Variants in CHIC1 observed in about 807,000 individuals in gnomAD.
CHIC1 encodes cysteine rich hydrophobic domain 1, also known as cysteine-rich hydrophobic domain-containing protein 1.
In CHIC1, 7 loss-of-function variants were observed where a neutral mutation model predicts 18.5. The ratio of observed to expected loss-of-function variants is 0.38; its 90% confidence interval spans 0.22 to 0.71. The LOEUF is 0.71. Among genes scored for constraint, CHIC1 ranks in the 30% least tolerant of loss-of-function variants. The pLI, the probability that CHIC1 is intolerant of heterozygous loss-of-function variation, is 0.49. For synonymous variants in CHIC1, 77 were observed against 73.5 expected (o/e 1.05, Z -0.25); for missense variants, 159 against 176.9 (o/e 0.90, Z 0.57).
chrX:73,573,006 G>C (rs982529426), intron 1 of CHIC1, among the ~76,000 whole-genome samples: 17 of 111,338 alleles, frequency 1.5e-4, no homozygotes, highest in Admixed American at 4.8e-4. Context: ...ACTTAGTCAT[G>C]AATCCTTTGC....
intron 3 of CHIC1, among the ~76,000 whole-genome samples, chrX:73,633,309 T>C (rs950806274): frequency 9.2e-6 from 1 of 108,225 alleles, no homozygotes; most frequent in African/African-American, 3.4e-5. Flanking sequence ...TACAGTATTA[T>C]TGATTGGCAG....
chrX:73,608,066 C>T lies in CHIC1; in HGVS notation c.507+23494C>T, dbSNP rs748024386. 1.0e-4 allele frequency among the ~76,000 whole-genome samples: 11 copies of T among 109,401 alleles called. 1 individual carries two copies. Among genetic ancestry groups the T allele is most frequent in the African/African-American group, 3.9e-4 (11 of 28,268 alleles). On this transcript the variant is annotated intron_variant, in intron 3 of 5. Coordinates refer to ENST00000373502, the MANE Select transcript of CHIC1 (RefSeq NM_001039840.4). ...CTCTTACATTTAGTGCTTTGATACA[C>T]TTGAGTTAATTTTTATCTATGTGAG...
rs1215947091 is a variant in CHIC1, at chrX:73,683,331, A to G, written c.*2326A>G. The G allele has an allele frequency of 9.0e-6, 1 of 111,678 alleles. No individual in the cohort carries two copies. Among genetic ancestry groups the G allele is most frequent in the Non-Finnish European group, 1.9e-5 (1 of 52,935 alleles). 9.2% of individuals were successfully genotyped at this position (111,678 alleles called of 1,213,427 possible). A position where few individuals can be genotyped will look rare whatever the true frequency, so the allele number is the denominator to read the frequency against. ...AGTTTCTTCAACTACCCAAAAAAAT[A>G]CCAATTTTTTTCCTCTCTTGTATGA... On this transcript the variant is annotated 3_prime_UTR_variant, in exon 6 of 6. Transcript: ENST00000373502.
chrX:73,677,558 C>T (rs2058073419), intron 3 of CHIC1, among the ~76,000 whole-genome samples: 2 of 112,293 alleles, frequency 1.8e-5, no homozygotes, highest in South Asian at 3.7e-4. Flanking sequence ...ATATAATCTC[C>T]TGGTGTGCTG....
rs757278539 is a variant in CHIC1, at chrX:73,661,002, CT to C, written c.508-18318del. Among the ~76,000 whole-genome samples, 3 of 111,508 alleles carry C rather than the reference CT, an allele frequency of 2.7e-5. No individual in the cohort carries two copies. The Admixed American group carries it at 2.9e-4, about 11-fold the overall frequency. On this transcript the variant is annotated intron_variant, in intron 3 of 5. Transcript: ENST00000373502. ...TGCAGGGTCCTTACTCATAGTCCTC[CT>C]TTTTTGTTTTTTGAGCATATTTTTA... is the stretch of plus-strand genomic sequence containing the variant.
chrX:73,598,779 C>G (rs2057625587), intron 3 of CHIC1, among the ~76,000 whole-genome samples: 2 of 110,582 alleles, frequency 1.8e-5, no homozygotes, highest in South Asian at 3.9e-4. Flanking sequence ...GTGAATAATG[C>G]CGCAATAAAC....
chrX:73,679,105 C>CTGAT (rs749207456), intron 3 of CHIC1, among the ~76,000 whole-genome samples: 52 of 111,941 alleles, frequency 4.6e-4, no homozygotes, highest in African/African-American at 1.6e-3. Flanking sequence ...ATATAAAAAT[C>CTGAT]TGATTGATTG....
At chrX:73,598,350 C>T (rs1255464076) in intron 3 of CHIC1, among the ~76,000 whole-genome samples, 2 of 105,986 alleles carry the variant, frequency 1.9e-5, no homozygotes, top group East Asian at 3.1e-4. Context: ...TATTATTATA[C>T]TTTAAGTTTT....
In CHIC1 at chrX:73,581,039, C is replaced by T. The variant is rs779002107; in HGVS notation, c.352-3378C>T. On this transcript the variant is annotated intron_variant, in intron 2 of 5. Transcript: ENST00000373502. ...TAGTGACCAGAAAAGGGAAGAACCA[C>T]AGAAATTTAGAAAAGAAAGTAAAGC... 2.8e-4 allele frequency among the ~76,000 whole-genome samples: 31 copies of T among 111,104 alleles called. 1 individual carries two copies. The highest frequency in any genetic ancestry group is 9.5e-5 in the Non-Finnish European group (5 of 52,599).
chrX:73,680,422 A>G (rs1324985104), intron 5 of CHIC1, among the ~76,000 whole-genome samples: 4 of 111,446 alleles, frequency 3.6e-5, no homozygotes, highest in Non-Finnish European at 7.6e-5. Flanking sequence ...ATTCAAAAAT[A>G]TCCGAGTTTT....
At chrX:73,645,029 A>G (rs952254670) in intron 3 of CHIC1, among the ~76,000 whole-genome samples, 19 of 112,131 alleles carry the variant, frequency 1.7e-4, no homozygotes, top group African/African-American at 5.8e-4. Flanking sequence ...GGTACCTCAG[A>G]TGGAAATGCA....
At chrX:73,576,063 A>T (rs1483360371) in intron 1 of CHIC1, among the ~76,000 whole-genome samples, 2 of 109,109 alleles carry the variant, frequency 1.8e-5, no homozygotes, top group African/African-American at 6.6e-5. Context: ...CATCAATATC[A>T]CTTCCACCTT....
In CHIC1 at chrX:73,605,383, T is replaced by G. The variant is rs60480217; in HGVS notation, c.507+20811T>G. Among the ~76,000 whole-genome samples, 758 of 108,221 alleles carry G rather than the reference T, an allele frequency of 7.0e-3. 79 individuals carry two copies. The highest frequency in any genetic ancestry group is 0.026 in the African/African-American group (713 of 27,787). The allele number at this position is 108,221 out of a possible 115,157, so 94.0% of individuals were successfully genotyped here. On this transcript the variant is annotated intron_variant, in intron 3 of 5. Transcript: ENST00000373502. ...TTTCTGCATCCCTTTATTTTGAGAC[T>G]ATGTGTGTACTTGAGATGGGTCTTC...
chrX:73,665,561 T>G (rs778057331), intron 3 of CHIC1, among the ~76,000 whole-genome samples: 1 of 111,454 alleles, frequency 9.0e-6, no homozygotes, highest in East Asian at 2.8e-4. Context: ...TGATAACTGT[T>G]GTCCCATGAT....
chrX:73,610,775 C>A (rs1285527971), intron 3 of CHIC1, among the ~76,000 whole-genome samples: 1 of 107,913 alleles, frequency 9.3e-6, no homozygotes, highest in Non-Finnish European at 1.9e-5. Flanking sequence ...TTGGTCTGTT[C>A]AGGTTTTCTG....
chrX:73,664,776 C>G (rs1189162633), intron 3 of CHIC1, among the ~76,000 whole-genome samples: 2 of 111,200 alleles, frequency 1.8e-5, no homozygotes, highest in Non-Finnish European at 3.8e-5. Context: ...GACCCCCTCC[C>G]CTAGAGCATA....
chrX:73,580,906 C>T (rs1422198906), intron 2 of CHIC1, among the ~76,000 whole-genome samples: 2 of 110,931 alleles, frequency 1.8e-5, no homozygotes, highest in African/African-American at 6.5e-5. Context: ...TTTTTTGCTT[C>T]TTATGTGTTA....
chrX:73,586,948 T>C (rs1005600464), intron 3 of CHIC1, among the ~76,000 whole-genome samples: 1 of 111,892 alleles, frequency 8.9e-6, no homozygotes, highest in Non-Finnish European at 1.9e-5. Context: ...AACTGTGGCA[T>C]TGTCACATGT....
chrX:73,633,176 G>A (rs753182898), intron 3 of CHIC1, among the ~76,000 whole-genome samples: 20 of 111,142 alleles, frequency 1.8e-4, no homozygotes, highest in East Asian at 8.5e-4. Context: ...GAAAAACCTC[G>A]TTTAGCATTT....
Sources: allele counts gnomAD v4.1 joint callset (sites outside exome capture counted in the v4.1 genomes callset), GRCh38; gene constraint gnomAD v4.1.1; transcripts MANE v1.5; gene names NCBI Gene and HGNC (gene_info 2026-07-23, HGNC 2026-07-21).